CSMD1: variants seen among roughly 807,000 people sequenced by gnomAD.
CSMD1 encodes CUB and Sushi multiple domains 1, also known as CUB and sushi domain-containing protein 1.
Under a neutral mutation model 417.5 loss-of-function variants are expected in CSMD1, and 213 were observed. The ratio of observed to expected loss-of-function variants is 0.51; its 90% confidence interval spans 0.46 to 0.57. The LOEUF (loss-of-function observed/expected upper bound fraction) is 0.57, where lower values mean the gene tolerates loss of function less well. CSMD1 is among the 20% of genes least tolerant of loss of function. The pLI, the probability that CSMD1 is intolerant of heterozygous loss-of-function variation, is 0.00. For missense variants in CSMD1, 6,923 were observed against 4,529.7 expected (o/e 1.53, Z -15.17); for synonymous variants, 2,862 against 1,736.8 (o/e 1.65, Z -16.11).
In CSMD1 at chr8:4,025,968, A is replaced by G. The variant is rs67382723; in HGVS notation, c.610+5937T>C. Among the ~76,000 whole-genome samples, 1,065 of 151,742 alleles carry G rather than the reference A, an allele frequency of 7.0e-3. 58 individuals are homozygous for G. The East Asian group carries it at 0.14, about 20-fold the overall frequency. ...TAAACTTTTATAACCCTGGCAAAAG[A>G]TCATTGTAGAAGGAGACAGTCATGC... On this transcript the variant is annotated intron_variant, in intron 4 of 69. Transcript: ENST00000635120.
chr8:4,952,912 A>G (rs544968765), intron 1 of CSMD1, among the ~76,000 whole-genome samples: 1 of 152,254 alleles, frequency 6.6e-6, no homozygotes, highest in Admixed American at 6.5e-5. Context: ...TCTATACTGA[A>G]CTGATTCACT....
intron 3 of CSMD1, among the ~76,000 whole-genome samples, chr8:4,405,486 G>T (rs193162151): frequency 6.6e-6 from 1 of 151,952 alleles, no homozygotes; most frequent in East Asian, 1.9e-4. Context: ...AGAGTGAAGT[G>T]AAGTCAATGT....
chr8:4,299,614 C>A (rs1055341471), intron 3 of CSMD1, among the ~76,000 whole-genome samples: 1 of 152,044 alleles, frequency 6.6e-6, no homozygotes, highest in African/African-American at 2.4e-5. Context: ...ATTTTTGTAT[C>A]ATATCATATA....
chr8:3,842,860 T>G (rs1476236522), intron 5 of CSMD1, among the ~76,000 whole-genome samples: 1 of 152,182 alleles, frequency 6.6e-6, no homozygotes, highest in Non-Finnish European at 1.5e-5. Context: ...AATATAGGAT[T>G]AATATCATTT....
chr8:4,716,966 A>T (rs910553031), intron 1 of CSMD1, among the ~76,000 whole-genome samples: 2 of 152,168 alleles, frequency 1.3e-5, no homozygotes, highest in African/African-American at 4.8e-5. Flanking sequence ...GTATAATTCC[A>T]TTTCAACAAA....
chr8:4,418,516 G>A (rs1011958360), intron 3 of CSMD1, among the ~76,000 whole-genome samples: 2 of 151,988 alleles, frequency 1.3e-5, no homozygotes, highest in Non-Finnish European at 2.9e-5. Context: ...TTCATCAGGA[G>A]GGGAGAAAAA....
intron 1 of CSMD1, among the ~76,000 whole-genome samples, chr8:4,671,687 T>C (rs191862001): frequency 3.3e-5 from 5 of 152,324 alleles, no homozygotes; most frequent in Non-Finnish European, 5.9e-5. Flanking sequence ...TATAGATTTA[T>C]TTTTTCTTAC....
intron 3 of CSMD1, among the ~76,000 whole-genome samples, chr8:4,104,720 A>C (rs978297814): frequency 1.3e-5 from 2 of 152,232 alleles, no homozygotes; most frequent in Non-Finnish European, 2.9e-5. Flanking sequence ...CAACAGTCCC[A>C]AGAGGAACTA....
intron 49 of CSMD1, among the ~76,000 whole-genome samples, chr8:3,063,847 A>G (rs542414961): frequency 1.3e-5 from 2 of 152,320 alleles, no homozygotes; most frequent in African/African-American, 4.8e-5. Context: ...CTTGTTTAAT[A>G]TGTGCAGAGT....
At chr8:3,363,267 C>T (rs1276265007) in intron 20 of CSMD1, among the ~76,000 whole-genome samples, 5 of 152,188 alleles carry the variant, frequency 3.3e-5, no homozygotes, top group African/African-American at 1.2e-4. Context: ...GTACTCATGA[C>T]TCAACCACAG....
chr8:4,414,173 T>TA (rs1796801881), intron 3 of CSMD1, among the ~76,000 whole-genome samples: 1 of 152,180 alleles, frequency 6.6e-6, no homozygotes, highest in African/African-American at 2.4e-5. Flanking sequence ...TGAAGAGTAA[T>TA]AATCTAGCTG....
chr8:3,538,393 C>A (rs1459642818), intron 10 of CSMD1, among the ~76,000 whole-genome samples: 2 of 152,142 alleles, frequency 1.3e-5, no homozygotes, highest in Admixed American at 1.3e-4. Flanking sequence ...TGGGCTGGTG[C>A]ACCTGAGATG....
intron 3 of CSMD1, among the ~76,000 whole-genome samples, chr8:4,209,588 T>A (rs1034519846): frequency 2.0e-5 from 3 of 152,154 alleles, no homozygotes; most frequent in Admixed American, 2.0e-4. Flanking sequence ...CTGCCTTTCC[T>A]TTTCCCTGTC....
chr8:4,793,674 G>A (rs549255696), intron 1 of CSMD1, among the ~76,000 whole-genome samples: 207 of 152,142 alleles, frequency 1.4e-3, no homozygotes, highest in African/African-American at 4.7e-3. Flanking sequence ...CCTCTGCTCA[G>A]GAGAAGAAAG....
chr8:4,465,743 G>C (rs559280400), intron 2 of CSMD1, among the ~76,000 whole-genome samples: 18 of 152,264 alleles, frequency 1.2e-4, no homozygotes, highest in African/African-American at 4.3e-4. Flanking sequence ...AGGAACTCTA[G>C]TTTGTAGGTC....
chr8:3,710,350 C>G (rs1273937208), intron 6 of CSMD1, among the ~76,000 whole-genome samples: 3 of 152,148 alleles, frequency 2.0e-5, no homozygotes, highest in Non-Finnish European at 2.9e-5. Flanking sequence ...GGCTTTGTTT[C>G]TCTGGAGAAC....
At position 3,878,569 on chromosome 8, in the gene CSMD1, T is replaced by C. The variant is rs546339655; in HGVS notation, c.818+119334A>G. Among the ~76,000 whole-genome samples, 13 of 152,210 alleles carry C rather than the reference T, an allele frequency of 8.5e-5. No homozygotes were observed. In the South Asian group the frequency reaches 2.3e-3, roughly 27 times the overall value. On this transcript the variant is annotated intron_variant, in intron 5 of 69. Transcript: ENST00000635120. ...ATATAGATAGGAAGTATAGAAAAAATTGCGTGCATTATTTCAAACATTTTT... is the reference window on the plus strand; with the variant it reads ...ATATAGATAGGAAGTATAGAAAAAACTGCGTGCATTATTTCAAACATTTTT...
Position 2,938,417 on chromosome 8 carries a change from C to G in CSMD1, c.*168G>C, listed in dbSNP as rs1405897705. 3.2e-6 allele frequency: 2 copies of G among 623,950 alleles called. No homozygotes were observed. The highest frequency in any genetic ancestry group is 5.4e-6 in the Non-Finnish European group (2 of 370,662). The allele number at this position is 623,950 out of a possible 1,614,324, so 38.7% of individuals were successfully genotyped here. A position where few individuals can be genotyped will look rare whatever the true frequency, so the allele number is the denominator to read the frequency against. On this transcript the variant is annotated 3_prime_UTR_variant, in exon 70 of 70. Coordinates refer to ENST00000635120, the MANE Select transcript of CSMD1 (RefSeq NM_033225.6). Reference sequence around the variant, plus strand: ...ATGTGTAGTTTGATCCGTAGAAGACCCTGACACATTTGAGTAGAGATCCCC... The same window carrying G: ...ATGTGTAGTTTGATCCGTAGAAGACGCTGACACATTTGAGTAGAGATCCCC...
rs540869608 is a variant in CSMD1, at chr8:3,656,524, C to T, written c.1010-39727G>A. Reference sequence around the variant, plus strand: ...ATAGTGCAGTCCTCAGTCTTCTAATCCGCAAAATAATGGGTAGATGCTCAA... The same window carrying T: ...ATAGTGCAGTCCTCAGTCTTCTAATTCGCAAAATAATGGGTAGATGCTCAA... On this transcript the variant is annotated intron_variant, in intron 7 of 69. Transcript: ENST00000635120. 2.6e-5 allele frequency among the ~76,000 whole-genome samples: 4 copies of T among 152,302 alleles called. No individual in the cohort carries two copies. The East Asian group carries it at 7.7e-4, about 29-fold the overall frequency.
Sources: allele counts gnomAD v4.1 joint callset (sites outside exome capture counted in the v4.1 genomes callset), GRCh38; gene constraint gnomAD v4.1.1; transcripts MANE v1.5; gene names NCBI Gene and HGNC (gene_info 2026-07-23, HGNC 2026-07-21).